GRIN2A: variants seen among roughly 807,000 people sequenced by gnomAD.
The protein encoded by GRIN2A is glutamate receptor ionotropic, NMDA 2A.
In GRIN2A, 22 loss-of-function variants were observed where a neutral mutation model predicts 113.4. The observed-to-expected ratio is 0.19, with a 90% CI of 0.14 to 0.28. The LOEUF is 0.28. Among genes scored for constraint, GRIN2A ranks in the 10% least tolerant of loss-of-function variants. The pLI, the probability that GRIN2A is intolerant of heterozygous loss-of-function variation, is 1.00. For missense variants in GRIN2A, 1,502 were observed against 1,887.0 expected (o/e 0.80, Z 3.78); for synonymous variants, 827 against 738.4 (o/e 1.12, Z -1.94).
chr16:9,959,995 G>C (rs1291292579), intron 2 of GRIN2A, among the ~76,000 whole-genome samples: 2 of 152,024 alleles, frequency 1.3e-5, no homozygotes, highest in Non-Finnish European at 2.9e-5. Flanking sequence ...AAAAACCATA[G>C]CACATACCAG....
At position 9,938,931 on chromosome 16, in the gene GRIN2A, C is replaced by T. The variant is rs541682924; in HGVS notation, c.415-380G>A. ...TCAAGCCACGGAAATAAAACAGCAT[C>T]AGCAAAGACAGTTTTCTAACGATAT... is the stretch of plus-strand genomic sequence containing the variant. On this transcript the variant is annotated intron_variant, in intron 2 of 12. Transcript: ENST00000330684. 6.6e-5 allele frequency among the ~76,000 whole-genome samples: 10 copies of T among 152,280 alleles called. No individual in the cohort carries two copies. The South Asian group carries it at 2.1e-3, about 32-fold the overall frequency.
intron 2 of GRIN2A, among the ~76,000 whole-genome samples, chr16:9,940,297 GAAGA>G (rs2044841072): frequency 6.6e-6 from 1 of 152,178 alleles, no homozygotes; most frequent in Non-Finnish European, 1.5e-5. Context: ...TGAAGGCAGA[GAAGA>G]AACAAGAATA....
At chr16:10,004,309 A>C (rs1382338145) in intron 2 of GRIN2A, among the ~76,000 whole-genome samples, 1 of 151,924 alleles carries the variant, frequency 6.6e-6, no homozygotes, top group Non-Finnish European at 1.5e-5. Flanking sequence ...GAATCGCTTG[A>C]ACCCGGGAGG....
At chr16:9,868,099 GATAGTTC>G (rs2043192738) in intron 4 of GRIN2A, among the ~76,000 whole-genome samples, 1 of 152,056 alleles carries the variant, frequency 6.6e-6, no homozygotes, top group South Asian at 2.1e-4. Flanking sequence ...ACCAAGCCTT[GATAGTTC>G]TAATATTTGA....
chr16:9,957,407 A>ACTT (rs1311470694), intron 2 of GRIN2A, among the ~76,000 whole-genome samples: 1 of 152,120 alleles, frequency 6.6e-6, no homozygotes, highest in Non-Finnish European at 1.5e-5. Flanking sequence ...AAGCTCTTTC[A>ACTT]CTTCTGCGAG....
intron 2 of GRIN2A, among the ~76,000 whole-genome samples, chr16:9,962,743 C>T (rs2045467835): frequency 1.3e-5 from 2 of 152,084 alleles, no homozygotes; most frequent in South Asian, 2.1e-4. Context: ...ACTAGAAATA[C>T]CATTTGACCC....
chr16:9,893,016 A>G (rs140875759), intron 3 of GRIN2A, among the ~76,000 whole-genome samples: 21 of 152,084 alleles, frequency 1.4e-4, no homozygotes, highest in African/African-American at 4.3e-4. Context: ...CTAATGGGTC[A>G]CATGTACATC....
Position 9,762,188 on chromosome 16 carries a change from G to A in GRIN2A, c.*961C>T, listed in dbSNP as rs1193903226. On this transcript the variant is annotated 3_prime_UTR_variant, in exon 13 of 13. Coordinates refer to ENST00000330684, the MANE Select transcript of GRIN2A (RefSeq NM_001134407.3). ...GACACCACCATGGCTGTTTGGAAAC[G>A]GAACGAGTTATGGTTACTCTGGGAG... is the stretch of plus-strand genomic sequence containing the variant. 1.8e-5 allele frequency: 4 copies of A among 219,714 alleles called. No homozygotes were observed. The East Asian group carries it at 2.0e-4, about 11-fold the overall frequency. 13.6% of individuals were successfully genotyped at this position (219,714 alleles called of 1,614,324 possible). A position where few individuals can be genotyped will look rare whatever the true frequency, so the allele number is the denominator to read the frequency against.
intron 8 of GRIN2A, among the ~76,000 whole-genome samples, chr16:9,832,991 T>C (rs560676805): frequency 5.9e-5 from 9 of 152,324 alleles, no homozygotes; most frequent in Admixed American, 1.3e-4. Flanking sequence ...TATGTATCCA[T>C]CACATTAAAG....
intron 2 of GRIN2A, among the ~76,000 whole-genome samples, chr16:10,060,216 C>T (rs752074335): frequency 2.6e-5 from 4 of 152,180 alleles, no homozygotes; most frequent in Non-Finnish European, 4.4e-5. Flanking sequence ...ATCAGGCTAC[C>T]GGAGCAGACC....
intron 2 of GRIN2A, among the ~76,000 whole-genome samples, chr16:10,086,257 A>T (rs914375616): frequency 6.6e-6 from 1 of 152,200 alleles, no homozygotes; most frequent in Non-Finnish European, 1.5e-5. Context: ...GACAATAAGT[A>T]CATCAAAGCT....
intron 2 of GRIN2A, among the ~76,000 whole-genome samples, chr16:10,063,264 A>G (rs1228023459): frequency 6.6e-6 from 1 of 152,208 alleles, no homozygotes; most frequent in African/African-American, 2.4e-5. Flanking sequence ...GTTGTGAACT[A>G]TGCTCACTAC....
chr16:10,046,208 A>C (rs2047254616), intron 2 of GRIN2A, among the ~76,000 whole-genome samples: 1 of 151,908 alleles, frequency 6.6e-6, no homozygotes, highest in African/African-American at 2.4e-5. Context: ...ATGTTCTCTC[A>C]CTCTTAAGAA....
intron 2 of GRIN2A, among the ~76,000 whole-genome samples, chr16:10,026,487 C>A (rs1596437911): frequency 7.5e-6 from 1 of 133,222 alleles, no homozygotes; most frequent in South Asian, 2.4e-4. Context: ...TATCTCCAGG[C>A]CATTAGAGAG....
chr16:9,842,213 T>C (rs140457140), intron 5 of GRIN2A, among the ~76,000 whole-genome samples: 1 of 151,090 alleles, frequency 6.6e-6, no homozygotes, highest in African/African-American at 2.5e-5. Flanking sequence ...ATCATGCCGT[T>C]GTACTCAAGC....
chr16:9,776,193 A>G (rs1350957888), intron 11 of GRIN2A, among the ~76,000 whole-genome samples: 1 of 152,144 alleles, frequency 6.6e-6, no homozygotes, highest in Non-Finnish European at 1.5e-5. Context: ...TGTATAGCTC[A>G]GAGGTATCCA....
chr16:9,956,793 A>T (rs1053739725), intron 2 of GRIN2A, among the ~76,000 whole-genome samples: 16 of 152,190 alleles, frequency 1.1e-4, no homozygotes, highest in Admixed American at 8.5e-4. Flanking sequence ...CAAACAGGAG[A>T]TGCTGGAGTA....
chr16:10,113,047 G>A (rs905964122), intron 2 of GRIN2A, among the ~76,000 whole-genome samples: 2 of 152,092 alleles, frequency 1.3e-5, no homozygotes, highest in African/African-American at 2.4e-5. Flanking sequence ...GCAGCCCCTC[G>A]CTGAGCATCC....
chr16:10,111,931 A>G (rs11646734), intron 2 of GRIN2A: 322,141 of 765,844 alleles, frequency 0.42, 68,917 homozygotes, highest in Middle Eastern at 0.51. Context: ...GCCAAGGATC[A>G]AGCTGATGGT....
Sources: allele counts gnomAD v4.1 joint callset (sites outside exome capture counted in the v4.1 genomes callset), GRCh38; gene constraint gnomAD v4.1.1; transcripts MANE v1.5; gene names NCBI Gene and HGNC (gene_info 2026-07-23, HGNC 2026-07-21).